Variants in IPP observed in about 807,000 individuals in gnomAD.
IPP encodes the protein actin-binding protein IPP.
IPP carries 41 observed loss-of-function variants against 64.1 expected under a neutral mutation model. That is an observed-to-expected ratio of 0.64 (90% confidence interval 0.50 to 0.83). The LOEUF is 0.83. Ranked by LOEUF, IPP falls within the 40% of genes least tolerant of loss-of-function variation. IPP has a pLI of 0.00. For synonymous variants in IPP, 214 were observed against 235.2 expected (o/e 0.91, Z 0.83); for missense variants, 649 against 703.0 (o/e 0.92, Z 0.87).
intron 3 of IPP, among the ~76,000 whole-genome samples, chr1:45,732,359 C>T (rs1476505732): frequency 4.7e-5 from 1 of 21,472 alleles, no homozygotes; most frequent in African/African-American, 2.3e-3. Context: ...GAGACTCCAC[C>T]TCAAAAAAAA....
At chr1:45,748,664 C>T (rs148558844) in intron 1 of IPP, among the ~76,000 whole-genome samples, 170 of 152,062 alleles carry the variant, frequency 1.1e-3, no homozygotes, top group African/African-American at 3.8e-3. Flanking sequence ...AGAGCAAGAC[C>T]GTGTCTCAAC....
At chr1:45,747,854 A>C (rs1041068702) in intron 1 of IPP, among the ~76,000 whole-genome samples, 5 of 149,172 alleles carry the variant, frequency 3.4e-5, no homozygotes, top group East Asian at 3.9e-4. Flanking sequence ...AAAAAAAAAA[A>C]AAAAAAAAAA....
rs1339409160 is a variant in IPP, at chr1:45,750,583, C to G, written c.-51+14G>C. ...ACCCCGTCACAGACGCGCCCGAACG[C>G]AGGCCCTCCTTACCCGCCGCTTCCC... On this transcript the variant is annotated intron_variant, in intron 1 of 8. Coordinates refer to ENST00000396478, the MANE Select transcript of IPP (RefSeq NM_005897.3). The G allele has an allele frequency of 6.6e-6, 1 of 152,538 alleles. No individual in the cohort carries two copies. Among genetic ancestry groups the G allele is most frequent in the East Asian group, 1.9e-4 (1 of 5,204 alleles). The allele number at this position is 152,538 out of a possible 1,614,324, so 9.4% of individuals were successfully genotyped here.
intron 5 of IPP, among the ~76,000 whole-genome samples, chr1:45,722,447 A>T (rs994567401): frequency 5.9e-5 from 9 of 152,128 alleles, no homozygotes; most frequent in African/African-American, 4.8e-5. Flanking sequence ...GCTACTTGGG[A>T]GGCTGAGGCA....
At chr1:45,694,573 T>C (rs1645370492), downstream of IPP, 2 of 927,106 alleles carry the variant, frequency 2.2e-6, no homozygotes, top group South Asian at 2.8e-5. Flanking sequence ...GGGAAAGGCA[T>C]GTCCAAACTT....
intron 3 of IPP, 86 bp downstream of exon 3, chr1:45,740,815 C>T: frequency 2.4e-6 from 2 of 848,666 alleles, no homozygotes; most frequent in Admixed American, 3.0e-5. Flanking sequence ...GTTACTGAAC[C>T]AAAAAATGAA....
intron 8 of IPP, among the ~76,000 whole-genome samples, chr1:45,707,272 A>G (rs2148550247): frequency 6.6e-6 from 1 of 152,064 alleles, no homozygotes; most frequent in South Asian, 2.1e-4. Flanking sequence ...AAATACAAAA[A>G]ATTAGCCAGG....
At chr1:45,729,880 C>T in intron 3 of IPP, 111 bp from the exon 4 acceptor site, 1 of 657,398 alleles carries the variant, frequency 1.5e-6, no homozygotes, top group Non-Finnish European at 2.5e-6. Context: ...AAAAAATCAT[C>T]ATCAAACAAT....
At chr1:45,729,973 G>A (rs1645883888) in intron 3 of IPP, among the ~76,000 whole-genome samples, 1 of 152,126 alleles carries the variant, frequency 6.6e-6, no homozygotes, top group Non-Finnish European at 1.5e-5. Flanking sequence ...AATAAAAAAG[G>A]TTGTTGTTAA....
At chr1:45,738,523 T>C (rs1220364697) in intron 3 of IPP, among the ~76,000 whole-genome samples, 1 of 151,826 alleles carries the variant, frequency 6.6e-6, no homozygotes, top group Non-Finnish European at 1.5e-5. Context: ...CAATAATATA[T>C]ATTAAATAAG....
chr1:45,734,642 C>A (rs1557756121), intron 3 of IPP, among the ~76,000 whole-genome samples: 1 of 152,094 alleles, frequency 6.6e-6, no homozygotes, highest in Non-Finnish European at 1.5e-5. Context: ...TATTTAGATA[C>A]AGAATCTCAC....
intron 6 of IPP, among the ~76,000 whole-genome samples, chr1:45,718,330 G>A (rs980449526): frequency 6.6e-6 from 1 of 152,134 alleles, no homozygotes; most frequent in African/African-American, 2.4e-5. Flanking sequence ...ACAATTTTGA[G>A]AATAAGAATT....
intron 5 of IPP, among the ~76,000 whole-genome samples, chr1:45,725,392 C>T (rs1262265441): frequency 3.5e-5 from 5 of 144,690 alleles, no homozygotes; most frequent in Middle Eastern, 3.7e-3. Flanking sequence ...TGAGGGGCGC[C>T]TCTGCCCGGC....
At chr1:45,705,555 C>G (rs1393137212) in intron 8 of IPP, among the ~76,000 whole-genome samples, 1 of 152,172 alleles carries the variant, frequency 6.6e-6, no homozygotes, top group Non-Finnish European at 1.5e-5. Flanking sequence ...GCCTGTAATC[C>G]CAGCACTTTG....
At position 45,721,993 on chromosome 1, in the gene IPP, C is replaced by T. The variant is rs1022719048; in HGVS notation, c.1049-2653G>A. ...CTGAGGCAGGAGAATCACTTGAACC[C>T]GAGAGGCAGAGGTTGCAGTGAGCCG... On this transcript the variant is annotated intron_variant, in intron 5 of 8. Transcript: ENST00000396478. 1.1e-4 allele frequency among the ~76,000 whole-genome samples: 16 copies of T among 152,120 alleles called. 1 individual carries two copies. In the Middle Eastern group the frequency reaches 0.01, roughly 97 times the overall value.
chr1:45,713,628 G>A (rs1645620686), intron 8 of IPP, among the ~76,000 whole-genome samples: 1 of 152,018 alleles, frequency 6.6e-6, no homozygotes, highest in Non-Finnish European at 1.5e-5. Context: ...ACAATGGCTT[G>A]ATCACAGCTC....
intron 5 of IPP, among the ~76,000 whole-genome samples, chr1:45,723,994 C>G (rs966013534): frequency 2.0e-5 from 3 of 150,698 alleles, no homozygotes; most frequent in African/African-American, 7.3e-5. Flanking sequence ...CTCTCCCTCT[C>G]TCCACGGTCT....
At chr1:45,734,661 C>G (rs150723281) in intron 3 of IPP, among the ~76,000 whole-genome samples, 2 of 152,164 alleles carry the variant, frequency 1.3e-5, no homozygotes, top group African/African-American at 4.8e-5. Context: ...ACTCTATCGC[C>G]CAGGCTGGAG....
Position 45,714,238 on chromosome 1 carries a change from C to T in IPP, c.1530+8G>A. On this transcript the variant is annotated splice_region_variant and intron_variant, in intron 8 of 8. Transcript: ENST00000396478. ...AGGATACTAAATATCTGAAATCATCCAACCTACCTCTTCAAAGGAATATTT... is the reference window on the plus strand; with the variant it reads ...AGGATACTAAATATCTGAAATCATCTAACCTACCTCTTCAAAGGAATATTT... 1 of 1,592,448 alleles carries T rather than the reference C, an allele frequency of 6.3e-7. No homozygotes were observed. Among genetic ancestry groups the T allele is most frequent in the Non-Finnish European group, 8.6e-7 (1 of 1,160,310 alleles).
Sources: gnomAD v4.1 joint callset for allele counts (sites outside exome capture counted in the v4.1 genomes callset) on GRCh38, gnomAD v4.1.1 for gene constraint, MANE v1.5 for transcripts, NCBI Gene and HGNC (gene_info 2026-07-23, HGNC 2026-07-21) for gene names.